The following PCDH17 variants were observed in gnomAD, a reference collection of about 807,000 sequenced individuals.
PCDH17 encodes the protein protocadherin-17.
PCDH17 carries 21 observed loss-of-function variants against 67.7 expected under a neutral mutation model. That is an observed-to-expected ratio of 0.31 (90% CI 0.22 to 0.45). PCDH17 has a LOEUF of 0.45. Ranked by LOEUF, PCDH17 falls within the 20% of genes least tolerant of loss-of-function variation. The pLI is 1.00. For synonymous variants in PCDH17, 701 were observed against 656.7 expected (o/e 1.07, Z -1.03); for missense variants, 1,471 against 1,564.8 (o/e 0.94, Z 1.01).
intron 3 of PCDH17, among the ~76,000 whole-genome samples, chr13:57,671,026 T>G (rs1425314478): frequency 6.6e-6 from 1 of 151,968 alleles, no homozygotes; most frequent in African/African-American, 2.4e-5. Flanking sequence ...TCTTTTAGTG[T>G]GATGGGAAAA....
At chr13:57,672,432 C>A (rs1038313577) in intron 3 of PCDH17, among the ~76,000 whole-genome samples, 11 of 151,950 alleles carry the variant, frequency 7.2e-5, no homozygotes, top group African/African-American at 2.4e-4. Context: ...CTTTCTAATT[C>A]CCCATATAAT....
At chr13:57,689,688 A>G (rs892252954) in intron 3 of PCDH17, among the ~76,000 whole-genome samples, 4 of 151,938 alleles carry the variant, frequency 2.6e-5, no homozygotes, top group African/African-American at 7.2e-5. Context: ...TTCCAAATAT[A>G]TAATTTGTGG....
In PCDH17 at chr13:57,633,647, C is replaced by T. The variant is rs539470525; in HGVS notation, c.1101C>T (p.Pro367=). ...GGGCGCTGAGCGAGGCCGCCCCTCC[C>T]GGCACCGTCATCGCCCTGGTGCGGG... ...RQGALSEAAP[P]GTVIALVRVT... Residue 367 remains proline, a synonymous_variant, in exon 1 of 4, where the codon CCC becomes CCT. Transcript: ENST00000377918. This position sits in a 1 kb window ranked among gnomAD's most constrained non-coding sequence, Gnocchi z 6.2. 2.5e-6 allele frequency: 4 copies of T among 1,608,310 alleles called. No homozygotes were observed. Among genetic ancestry groups the T allele is most frequent in the South Asian group, 2.2e-5 (2 of 91,074 alleles).
intron 1 of PCDH17, among the ~76,000 whole-genome samples, chr13:57,649,899 A>G (rs987736481): frequency 5.9e-5 from 9 of 152,128 alleles, no homozygotes; most frequent in African/African-American, 2.2e-4. Context: ...ACTCTACTTG[A>G]ATAAACTTAC....
intron 3 of PCDH17, among the ~76,000 whole-genome samples, chr13:57,708,949 T>C (rs1250007870): frequency 6.6e-6 from 1 of 151,808 alleles, no homozygotes; most frequent in African/African-American, 2.4e-5. Flanking sequence ...GTAGATCAAA[T>C]ATACATGTAC....
At chr13:57,654,318 A>C (rs564084049) in intron 1 of PCDH17, among the ~76,000 whole-genome samples, 84 of 152,120 alleles carry the variant, frequency 5.5e-4, no homozygotes, top group Non-Finnish European at 1.1e-3. Context: ...GCTGAGTTCC[A>C]ATAAAACTTT....
At chr13:57,661,468 T>G (rs1268244168) in intron 1 of PCDH17, among the ~76,000 whole-genome samples, 1 of 152,174 alleles carries the variant, frequency 6.6e-6, no homozygotes, top group Non-Finnish European at 1.5e-5. Flanking sequence ...ATTTCTAATT[T>G]CATAAACTCC....
chr13:57,701,539 T>TG (rs57014201), intron 3 of PCDH17, among the ~76,000 whole-genome samples: 142,540 of 152,160 alleles, frequency 0.94, 66,903 homozygotes, highest in East Asian at 1. Context: ...AAGACACCCA[T>TG]ATTTTGCTTT....
Position 57,634,741 on chromosome 13 carries a change from G to T in PCDH17, c.2195G>T (p.Arg732Leu), listed in dbSNP as rs752937022. 2.5e-6 allele frequency: 4 copies of T among 1,613,930 alleles called. No homozygotes were observed. In the East Asian group the frequency reaches 6.7e-5, roughly 27 times the overall value. ...AMITIAVKCK[R>L]ENKEIRTYNC... ...ATCACCATCGCCGTCAAGTGCAAGC[G>T]CGAGAACAAGGAGATCCGCACTTAC... The change falls in exon 1 of 4, where the codon CGC becomes CTC. Residue 732 changes from arginine (R) to leucine (L), a missense_variant. Coordinates refer to ENST00000377918, the MANE Select transcript of PCDH17 (RefSeq NM_001040429.3). This position sits in a 1 kb window ranked among gnomAD's most constrained non-coding sequence, Gnocchi z 7.8.
At chr13:57,667,832 T>G (rs1955272683) in intron 3 of PCDH17, among the ~76,000 whole-genome samples, 1 of 149,342 alleles carries the variant, frequency 6.7e-6, no homozygotes, top group Admixed American at 6.7e-5. Context: ...TTAATGCAAA[T>G]ATTAATATAC....
intron 3 of PCDH17, among the ~76,000 whole-genome samples, chr13:57,717,070 G>T (rs1955823548): frequency 6.6e-6 from 1 of 151,886 alleles, no homozygotes; most frequent in African/African-American, 2.4e-5. Flanking sequence ...ACCTTGTTCT[G>T]GTGGTATAAT....
At chr13:57,655,859 C>T (rs1955096174) in intron 1 of PCDH17, among the ~76,000 whole-genome samples, 1 of 79,492 alleles carries the variant, frequency 1.3e-5, no homozygotes, top group Non-Finnish European at 2.4e-5. Flanking sequence ...TATTATGTAA[C>T]AGTAATTGTA....
At chr13:57,673,724 T>G (rs1026713165) in intron 3 of PCDH17, among the ~76,000 whole-genome samples, 1 of 151,986 alleles carries the variant, frequency 6.6e-6, no homozygotes, top group Non-Finnish European at 1.5e-5. Flanking sequence ...AAGGACACTG[T>G]TGTTTTCACA....
rs546831437 is a variant in PCDH17, at chr13:57,680,500, G to A, written c.2797+13667G>A. 2.0e-4 allele frequency among the ~76,000 whole-genome samples: 30 copies of A among 151,676 alleles called. No homozygotes were observed. In the South Asian group the frequency reaches 2.3e-3, roughly 12 times the overall value. Reference sequence around the variant, plus strand: ...TGAAGGACTTGAATGCCATACTAACGAGTTTAAATCTTATTTTACAGACAG... The same window carrying A: ...TGAAGGACTTGAATGCCATACTAACAAGTTTAAATCTTATTTTACAGACAG... On this transcript the variant is annotated intron_variant, in intron 3 of 3. Coordinates refer to ENST00000377918, the MANE Select transcript of PCDH17 (RefSeq NM_001040429.3).
At chr13:57,699,151 T>A (rs1414489063) in intron 3 of PCDH17, among the ~76,000 whole-genome samples, 2 of 152,006 alleles carry the variant, frequency 1.3e-5, no homozygotes, top group Non-Finnish European at 2.9e-5. Context: ...TATTTTAATG[T>A]TTATGCATTC....
At chr13:57,652,652 AT>A (rs1246483158) in intron 1 of PCDH17, among the ~76,000 whole-genome samples, 1 of 152,172 alleles carries the variant, frequency 6.6e-6, no homozygotes, top group Non-Finnish European at 1.5e-5. Context: ...AATATTAGAA[AT>A]TTGGATGCGT....
At chr13:57,678,324 A>G (rs1202535562) in intron 3 of PCDH17, among the ~76,000 whole-genome samples, 1 of 151,582 alleles carries the variant, frequency 6.6e-6, no homozygotes. Flanking sequence ...ATTGTTATGG[A>G]TGAAAAAAGC....
intron 1 of PCDH17, among the ~76,000 whole-genome samples, chr13:57,653,692 T>A (rs1955069564): frequency 6.6e-6 from 1 of 152,012 alleles, no homozygotes; most frequent in Admixed American, 6.6e-5. Context: ...AAGGAGTAAG[T>A]TCTGGGTATA....
At chr13:57,683,246 T>C (rs1955472661) in intron 3 of PCDH17, among the ~76,000 whole-genome samples, 1 of 151,998 alleles carries the variant, frequency 6.6e-6, no homozygotes, top group Admixed American at 6.6e-5. Flanking sequence ...GACTGGGAGT[T>C]GGAAACCCTT....
Sources: gnomAD v4.1 joint callset for allele counts (sites outside exome capture counted in the v4.1 genomes callset) on GRCh38, gnomAD v4.1.1 for gene constraint, Gnocchi (gnomAD v3.1) non-coding constraint, MANE v1.5 for transcripts, NCBI Gene and HGNC (gene_info 2026-07-23, HGNC 2026-07-21) for gene names.